Variants in CUL2 observed in about 807,000 individuals in gnomAD.
The protein encoded by CUL2 is cullin-2.
CUL2 carries 22 observed loss-of-function variants against 110.2 expected under a neutral mutation model. The observed-to-expected ratio is 0.20, with a 90% CI of 0.14 to 0.28. The LOEUF (loss-of-function observed/expected upper bound fraction) is 0.28. CUL2 is among the 10% of genes least tolerant of loss of function. The probability of loss-of-function intolerance (pLI) is 1.00; values close to 1 mark genes in which losing one functional copy is unlikely to be tolerated. For missense variants in CUL2, 631 were observed against 905.5 expected (o/e 0.70, Z 3.89); for synonymous variants, 279 against 293.2 (o/e 0.95, Z 0.49).
At chr10:35,114,850 A>C (rs2087572809) in intron 1 of CUL2, among the ~76,000 whole-genome samples, 1 of 152,158 alleles carries the variant, frequency 6.6e-6, no homozygotes, top group Admixed American at 6.6e-5. Flanking sequence ...GATGGAATTT[A>C]AAGATCAGAT....
Position 35,010,184 on chromosome 10 carries a change from G to A in CUL2, c.*127C>T. Reference sequence around the variant, plus strand: ...CTCATGACGTGGCACTGGTGATGTTGTAAACAGCAGAAAACAGGGGCTGCC... The same window carrying A: ...CTCATGACGTGGCACTGGTGATGTTATAAACAGCAGAAAACAGGGGCTGCC... On this transcript the variant is annotated 3_prime_UTR_variant, in exon 21 of 21. Coordinates refer to ENST00000374749, the MANE Select transcript of CUL2 (RefSeq NM_003591.4). The A allele has an allele frequency of 1.1e-6, 1 of 941,892 alleles. No homozygotes were observed. The allele number at this position is 941,892 out of a possible 1,614,324, so 58.3% of individuals were successfully genotyped here.
chr10:35,096,711 G>T (rs1339107781), intron 2 of CUL2, among the ~76,000 whole-genome samples: 1 of 152,076 alleles, frequency 6.6e-6, no homozygotes, highest in East Asian at 1.9e-4. Context: ...TATTTCAAAG[G>T]GGCACAGGAG....
intron 3 of CUL2, 130 bp from the exon 4 acceptor site, chr10:35,061,098 A>G: frequency 1.1e-6 from 1 of 945,664 alleles, no homozygotes; most frequent in Non-Finnish European, 1.5e-6. Flanking sequence ...CATTTACACA[A>G]CACATATTAA....
At chr10:35,045,545 CAA>C (rs35223623) in intron 6 of CUL2, among the ~76,000 whole-genome samples, 4 of 88,492 alleles carry the variant, frequency 4.5e-5, no homozygotes, top group South Asian at 4.0e-4. Context: ...AGACCCCATA[CAA>C]AAAAAAAAAA....
chr10:35,032,823 A>G (rs759278401), intron 11 of CUL2, among the ~76,000 whole-genome samples: 7 of 152,130 alleles, frequency 4.6e-5, no homozygotes, highest in African/African-American at 7.2e-5. Context: ...CATGTAAAAC[A>G]TATCTATTCT....
chr10:35,039,652 G>A (rs934174868), intron 8 of CUL2, among the ~76,000 whole-genome samples: 6 of 152,110 alleles, frequency 3.9e-5, no homozygotes, highest in African/African-American at 7.2e-5. Flanking sequence ...ATCATCTGAG[G>A]TCAGGAGTTT....
intron 4 of CUL2, among the ~76,000 whole-genome samples, chr10:35,057,659 AAAAAAAAG>A (rs895715987): frequency 2.6e-5 from 4 of 151,272 alleles, no homozygotes; most frequent in Non-Finnish European, 5.9e-5. Flanking sequence ...TCTGAAAAAA[AAAAAAAAG>A]AAAAAAAGAA....
intron 1 of CUL2, chr10:35,120,131 T>C (rs777616315): frequency 8.5e-5 from 13 of 152,344 alleles, no homozygotes; most frequent in Non-Finnish European, 1.6e-4. Context: ...TAAATGATCA[T>C]TTCCAAATTT....
At chr10:35,068,411 C>T (rs938816961) in intron 2 of CUL2, among the ~76,000 whole-genome samples, 2 of 151,922 alleles carry the variant, frequency 1.3e-5, no homozygotes, top group Admixed American at 6.6e-5. Flanking sequence ...AGAACTACAA[C>T]GCACTATGTC....
Position 35,025,395 on chromosome 10 carries a change from GCT to G in CUL2, c.1618-199_1618-198del, listed in dbSNP as rs573525534. On this transcript the variant is annotated intron_variant, in intron 16 of 20. Coordinates refer to ENST00000374749, the MANE Select transcript of CUL2 (RefSeq NM_003591.4). ...ATCAAGGCTATACACATATATTCCA[GCT>G]CTTTTAATTGACAACTTGTTCTAGA... 4.6e-5 allele frequency among the ~76,000 whole-genome samples: 7 copies of G among 152,230 alleles called. No individual in the cohort carries two copies. In the South Asian group the frequency reaches 1.5e-3, roughly 32 times the overall value.
At chr10:35,123,467 A>C (rs969094843) in intron 1 of CUL2, among the ~76,000 whole-genome samples, 1 of 152,186 alleles carries the variant, frequency 6.6e-6, no homozygotes, top group African/African-American at 2.4e-5. Context: ...TGGAAGTACC[A>C]GATGGGTAAT....
rs1015643216 is a variant in CUL2 at position 35,044,817 on chromosome 10, G to A, written c.558C>T (p.Asn186=). 1.9e-6 allele frequency: 3 copies of A among 1,613,428 alleles called. No homozygotes were observed. Among genetic ancestry groups the A allele is most frequent in the Non-Finnish European group, 2.5e-6 (3 of 1,179,686 alleles). ...TATACTGTTCAACATGAACAAAGGA[G>A]TTAATAACCCCATGGATTACTTTCT... ...PNQKVIHGVI[N]SFVHVEQYKK... is the part of the protein sequence containing the mutation. The change falls in exon 7 of 21, where the codon AAC becomes AAT. Residue 186 remains asparagine (N), a synonymous_variant. Coordinates refer to ENST00000374749, the MANE Select transcript of CUL2 (RefSeq NM_003591.4).
upstream of CUL2, among the ~76,000 whole-genome samples, chr10:35,093,270 A>G (rs1200185327): frequency 1.3e-5 from 2 of 151,706 alleles, no homozygotes; most frequent in Non-Finnish European, 2.9e-5. Flanking sequence ...GGGTCAATTA[A>G]ACACTTTCTC....
intron 19 of CUL2, 134 bp downstream of exon 19, chr10:35,013,565 A>G: frequency 1.7e-6 from 1 of 584,312 alleles, no homozygotes; most frequent in South Asian, 2.5e-5. Flanking sequence ...AAATGCCAAC[A>G]ACAAACCAGA....
At chr10:35,010,957 T>A (rs2134604586) in intron 20 of CUL2, among the ~76,000 whole-genome samples, 1 of 152,310 alleles carries the variant, frequency 6.6e-6, no homozygotes, top group Admixed American at 6.5e-5. Context: ...TAGGCTCAGA[T>A]AGTTATGGAA....
intron 17 of CUL2, among the ~76,000 whole-genome samples, chr10:35,016,814 C>A (rs1335474381): frequency 6.6e-6 from 1 of 151,610 alleles, no homozygotes; most frequent in African/African-American, 2.4e-5. Context: ...GTAATCCTAG[C>A]CACTTGGGAG....
At position 35,044,839 on chromosome 10, in the gene CUL2, T is replaced by C; in HGVS notation, c.536A>G (p.Lys179Arg). Residue 179 changes from lysine (K) to arginine (R), a missense_variant, in exon 7 of 21, where the codon AAA (lysine) becomes AGA (arginine). Coordinates refer to ENST00000374749, the MANE Select transcript of CUL2 (RefSeq NM_003591.4). ...GGAGTTAATAACCCCATGGATTACT[T>C]TCTGGTTTGGGTCTTCTCCACCACG... ...NDRGGEDPNQ[K>R]VIHGVINSFV... is the part of the protein sequence containing the mutation. 1 of 1,613,404 alleles carries C rather than the reference T, an allele frequency of 6.2e-7. No homozygotes were observed.
chr10:35,034,860 C>T (rs963662980), intron 10 of CUL2, among the ~76,000 whole-genome samples: 6 of 152,136 alleles, frequency 3.9e-5, no homozygotes, highest in African/African-American at 9.7e-5. Context: ...CAACAAACTA[C>T]GTTATCAATG....
At chr10:35,120,989 A>C (rs1460340968) in intron 1 of CUL2, among the ~76,000 whole-genome samples, 1 of 152,220 alleles carries the variant, frequency 6.6e-6, no homozygotes, top group Non-Finnish European at 1.5e-5. Context: ...ATAGAGACTT[A>C]CTGGCTAATC....
Sources: allele counts gnomAD v4.1 joint callset (sites outside exome capture counted in the v4.1 genomes callset), GRCh38; gene constraint gnomAD v4.1.1; transcripts MANE v1.5; gene names NCBI Gene and HGNC (gene_info 2026-07-23, HGNC 2026-07-21).